The following RPTOR variants were observed in gnomAD, a reference collection of about 807,000 sequenced individuals.
RPTOR encodes the protein regulatory associated protein of MTOR complex 1.
A neutral mutation model predicts 169.9 loss-of-function variants in RPTOR; 21 were observed. That is an observed-to-expected ratio of 0.12 (90% CI 0.09 to 0.18). RPTOR has a LOEUF of 0.18. RPTOR is among the 10% of genes least tolerant of loss of function. The pLI is 1.00. For missense variants in RPTOR, 1,133 were observed against 1,855.9 expected (o/e 0.61, Z 7.16); for synonymous variants, 732 against 753.2 (o/e 0.97, Z 0.46).
intron 2 of RPTOR, among the ~76,000 whole-genome samples, chr17:80,637,781 G>C (rs769418041): frequency 2.6e-5 from 4 of 152,260 alleles, no homozygotes; most frequent in Non-Finnish European, 5.9e-5. Flanking sequence ...CCAAGGGAAC[G>C]TTTGGGAGGT....
At chr17:80,662,742 T>C (rs991936652) in intron 3 of RPTOR, among the ~76,000 whole-genome samples, 1 of 152,136 alleles carries the variant, frequency 6.6e-6, no homozygotes, top group African/African-American at 2.4e-5. Flanking sequence ...CTGGGTATCA[T>C]TAGTGACATC....
At chr17:80,900,202 T>A (rs1319730139) in intron 20 of RPTOR, among the ~76,000 whole-genome samples, 1 of 152,062 alleles carries the variant, frequency 6.6e-6, no homozygotes, top group Non-Finnish European at 1.5e-5. Context: ...CAGCCGGGCA[T>A]CTGTGGCCGT....
chr17:80,786,704 C>G (rs1438878755), intron 6 of RPTOR, among the ~76,000 whole-genome samples: 1 of 152,212 alleles, frequency 6.6e-6, no homozygotes, highest in African/African-American at 2.4e-5. Flanking sequence ...CTGTGGTAGT[C>G]TGAGACTCAG....
At chr17:80,908,751 C>T in intron 20 of RPTOR, 60 bp from the exon 21 acceptor site, 2 of 1,257,294 alleles carry the variant, frequency 1.6e-6, no homozygotes, top group Non-Finnish European at 2.3e-6. Flanking sequence ...AATGCAGCCG[C>T]CTTAGGAGCC....
chr17:80,925,834 C>G (rs1273566454), intron 24 of RPTOR, among the ~76,000 whole-genome samples: 2 of 152,254 alleles, frequency 1.3e-5, no homozygotes, highest in Non-Finnish European at 2.9e-5. Flanking sequence ...TTAGACGCAG[C>G]CTGCTGCAGC....
intron 30 of RPTOR, 146 bp from the exon 31 acceptor site, chr17:80,961,248 A>T: frequency 1.5e-6 from 1 of 676,794 alleles, no homozygotes; most frequent in Non-Finnish European, 2.4e-6. Flanking sequence ...ACCCTGCGTG[A>T]GCACTAGCCC....
chr17:80,889,983 A>C (rs1328442063), intron 17 of RPTOR, among the ~76,000 whole-genome samples: 1 of 144,036 alleles, frequency 6.9e-6, no homozygotes, highest in African/African-American at 2.7e-5. Context: ...ACACAGCAGG[A>C]TGTGCGGCCT....
chr17:80,929,580 C>T (rs1371288707), intron 24 of RPTOR, among the ~76,000 whole-genome samples: 3 of 152,358 alleles, frequency 2.0e-5, no homozygotes, highest in Non-Finnish European at 2.9e-5. Flanking sequence ...TTCCGTTTGG[C>T]GGCTCCGCAG....
intron 1 of RPTOR, among the ~76,000 whole-genome samples, chr17:80,566,222 T>G (rs1478729516): frequency 6.6e-6 from 1 of 152,196 alleles, no homozygotes; most frequent in Non-Finnish European, 1.5e-5. Context: ...AGAAATTCCC[T>G]GGGACTGCTT....
chr17:80,829,024 C>T (rs375053517), intron 9 of RPTOR, among the ~76,000 whole-genome samples: 6 of 152,172 alleles, frequency 3.9e-5, no homozygotes, highest in African/African-American at 4.8e-5. Context: ...ATTAATGATG[C>T]TTGTGCCAGG....
intron 20 of RPTOR, among the ~76,000 whole-genome samples, chr17:80,903,380 C>T (rs189730739): frequency 2.0e-5 from 3 of 152,330 alleles, no homozygotes; most frequent in Admixed American, 6.5e-5. Flanking sequence ...CCCGGAGACC[C>T]GAGCCCAGAA....
intron 18 of RPTOR, 130 bp from the exon 19 acceptor site, chr17:80,892,599 C>T: frequency 9.8e-7 from 1 of 1,017,956 alleles, no homozygotes; most frequent in Non-Finnish European, 1.5e-6. Context: ...CTGTGCAGCC[C>T]CTGCTCTGAC....
At chr17:80,780,706 TCA>T (rs1168399521) in intron 6 of RPTOR, among the ~76,000 whole-genome samples, 1 of 152,152 alleles carries the variant, frequency 6.6e-6, no homozygotes, top group Non-Finnish European at 1.5e-5. Context: ...GTCGTAAGAG[TCA>T]CAGAGGAAGT....
Position 80,823,140 on chromosome 17 carries a change from A to G in RPTOR, c.1053A>G (p.Leu351=). The change falls in exon 9 of 34, where the codon TTA becomes TTG. Residue 351 remains leucine, a synonymous_variant. Coordinates refer to ENST00000306801, the MANE Select transcript of RPTOR (RefSeq NM_020761.3). This position sits in a 1 kb window ranked among gnomAD's most constrained non-coding sequence, Gnocchi z 4.5. ...TGGCTAGTCTGTTTCGAAATTTTTT[A>G]TTGGCGGAAAGGATTATGAGGTCGT... ...LLVASLFRNF[L]LAERIMRSYN... The G allele has an allele frequency of 6.2e-7, 1 of 1,614,124 alleles. No individual in the cohort carries two copies. Among genetic ancestry groups the G allele is most frequent in the South Asian group, 1.1e-5 (1 of 91,082 alleles).
chr17:80,571,948 T>C (rs188266860), intron 1 of RPTOR, among the ~76,000 whole-genome samples: 6 of 152,386 alleles, frequency 3.9e-5, no homozygotes, highest in Admixed American at 3.3e-4. Context: ...CATTTAGGTA[T>C]GCTGTAGGGA....
At chr17:80,881,709 T>C (rs2068188151) in intron 14 of RPTOR, among the ~76,000 whole-genome samples, 1 of 152,230 alleles carries the variant, frequency 6.6e-6, no homozygotes, top group African/African-American at 2.4e-5. Flanking sequence ...TGGTCTCAGC[T>C]ACTCAGGAGG....
At chr17:80,920,070 C>T (rs1224593815) in intron 21 of RPTOR, among the ~76,000 whole-genome samples, 7 of 152,212 alleles carry the variant, frequency 4.6e-5, no homozygotes, top group South Asian at 2.1e-4. Context: ...CCTGGTGCTG[C>T]GCTCTCTAAG....
chr17:80,860,167 G>A lies in RPTOR; in HGVS notation c.1509+2267G>A, dbSNP rs528838794. Among the ~76,000 whole-genome samples, 179 of 152,294 alleles carry A rather than the reference G, an allele frequency of 1.2e-3. No homozygotes were observed. The highest frequency in any genetic ancestry group is 3.4e-3 in the Middle Eastern group (1 of 292). On this transcript the variant is annotated intron_variant, in intron 13 of 33. Coordinates refer to ENST00000306801, the MANE Select transcript of RPTOR (RefSeq NM_020761.3). This position sits in a 1 kb window ranked among gnomAD's most constrained non-coding sequence, Gnocchi z 5.8. Reference sequence around the variant, plus strand: ...CAGGCCACATTCTGTCAGCTCCTCCGTCCAGTCACTGGCACTGAGACCCAG... The same window carrying A: ...CAGGCCACATTCTGTCAGCTCCTCCATCCAGTCACTGGCACTGAGACCCAG...
chr17:80,754,921 C>T lies in RPTOR; in HGVS notation c.830+736C>T, dbSNP rs551534966. On this transcript the variant is annotated intron_variant, in intron 6 of 33. Coordinates refer to ENST00000306801, the MANE Select transcript of RPTOR (RefSeq NM_020761.3). The surrounding 1 kb of genome is among the most constrained non-coding windows in gnomAD (Gnocchi z 4.2). ...AATGGTGCAGCTGTGCAGCAGACAC[C>T]GTGCTGTCGGCCGAGGACACTCTTG... Among the ~76,000 whole-genome samples, 6 of 152,310 alleles carry T rather than the reference C, an allele frequency of 3.9e-5. No individual in the cohort carries two copies. The highest frequency in any genetic ancestry group is 9.6e-5 in the African/African-American group (4 of 41,568).
Sources: allele counts gnomAD v4.1 joint callset (sites outside exome capture counted in the v4.1 genomes callset), GRCh38; gene constraint gnomAD v4.1.1; non-coding constraint Gnocchi (gnomAD v3.1); transcripts MANE v1.5; gene names NCBI Gene and HGNC (gene_info 2026-07-23, HGNC 2026-07-21).